TYW1: variants seen among roughly 807,000 people sequenced by gnomAD.
The protein encoded by TYW1 is tRNA-yW synthesizing protein 1 homolog.
Under a neutral mutation model 96.2 loss-of-function variants are expected in TYW1, and 46 were observed. The observed-to-expected ratio is 0.48, with a 90% CI of 0.38 to 0.61. The LOEUF (loss-of-function observed/expected upper bound fraction) is 0.61. Ranked by LOEUF, TYW1 falls within the 20% of genes least tolerant of loss-of-function variation. The probability of loss-of-function intolerance (pLI) is 0.00; values close to 1 mark genes in which losing one functional copy is unlikely to be tolerated. For missense variants in TYW1, 684 were observed against 909.6 expected (o/e 0.75, Z 3.19); for synonymous variants, 274 against 323.0 (o/e 0.85, Z 1.63).
intron 3 of TYW1, among the ~76,000 whole-genome samples, chr7:67,009,302 T>C (rs1183505412): frequency 6.6e-6 from 1 of 152,200 alleles, no homozygotes; most frequent in Non-Finnish European, 1.5e-5. Flanking sequence ...CTGGCTGATA[T>C]GTTTACTCTA....
intron 15 of TYW1, among the ~76,000 whole-genome samples, chr7:67,217,818 T>C (rs1180472193): frequency 6.6e-6 from 1 of 151,048 alleles, no homozygotes; most frequent in Non-Finnish European, 1.5e-5. Context: ...GTATTGGATA[T>C]GTAGATAACT....
At chr7:67,082,836 T>C (rs1234094910) in intron 10 of TYW1, among the ~76,000 whole-genome samples, 1 of 152,118 alleles carries the variant, frequency 6.6e-6, no homozygotes, top group Admixed American at 6.6e-5. Context: ...TTGTAATCTT[T>C]TGTATGGCCA....
intron 7 of TYW1, among the ~76,000 whole-genome samples, chr7:67,036,236 A>T (rs1794838743): frequency 1.3e-5 from 2 of 150,530 alleles, no homozygotes; most frequent in Non-Finnish European, 3.0e-5. Flanking sequence ...GAATCCTATT[A>T]TGGCCCTATA....
At chr7:67,041,466 A>T (rs11770535) in intron 7 of TYW1, among the ~76,000 whole-genome samples, 9,600 of 151,980 alleles carry the variant, frequency 0.063, 408 homozygotes, top group South Asian at 0.11. Context: ...CGCCCGGCTA[A>T]TTTTTGTATT....
chr7:67,056,780 TC>T (rs1440432006), intron 9 of TYW1, among the ~76,000 whole-genome samples: 7 of 152,206 alleles, frequency 4.6e-5, no homozygotes, highest in African/African-American at 1.4e-4. Context: ...ATTTCAGTTT[TC>T]CTTGGGTAAA....
At chr7:67,078,492 A>C (rs2080613426) in intron 10 of TYW1, among the ~76,000 whole-genome samples, 1 of 151,998 alleles carries the variant, frequency 6.6e-6, no homozygotes, top group African/African-American at 2.4e-5. Flanking sequence ...GTTCCATGTG[A>C]TTTTTAGAAT....
At chr7:67,133,911 A>G (rs1170690021) in intron 13 of TYW1, among the ~76,000 whole-genome samples, 1 of 151,434 alleles carries the variant, frequency 6.6e-6, no homozygotes, top group African/African-American at 2.4e-5. Context: ...TCAGGACTCC[A>G]CTCAAATATC....
chr7:67,089,731 T>C (rs1796655703), intron 11 of TYW1, among the ~76,000 whole-genome samples: 1 of 152,208 alleles, frequency 6.6e-6, no homozygotes. Flanking sequence ...AGGGCAATCA[T>C]TGTCTTTTCA....
At chr7:67,223,993 C>A (rs1427983023) in intron 15 of TYW1, among the ~76,000 whole-genome samples, 1 of 151,850 alleles carries the variant, frequency 6.6e-6, no homozygotes, top group Non-Finnish European at 1.5e-5. Flanking sequence ...GAATCCTCTA[C>A]CTGGATATTT....
Position 67,025,040 on chromosome 7 carries a change from A to G in TYW1, c.984+18A>G, listed in dbSNP as rs975026701. 6.2e-7 allele frequency: 1 copy of G among 1,613,312 alleles called. No individual in the cohort carries two copies. On this transcript the variant is annotated intron_variant, in intron 7 of 15. Transcript: ENST00000359626. ...AAGAAAAGGTACCGTTACTTTGGGA[A>G]ATGTTGCACTTGGCTCCCGCAGTTG...
At chr7:67,030,747 T>C (rs1794644126) in intron 7 of TYW1, among the ~76,000 whole-genome samples, 1 of 151,982 alleles carries the variant, frequency 6.6e-6, no homozygotes, top group African/African-American at 2.4e-5. Context: ...AGATGAGCCC[T>C]GGGACATCTT....
Position 67,239,233 on chromosome 7 carries a change from G to A in TYW1, c.*704G>A, listed in dbSNP as rs1424283856. 1 of 985,082 alleles carries A rather than the reference G, an allele frequency of 1.0e-6. No individual in the cohort carries two copies. Among genetic ancestry groups the A allele is most frequent in the African/African-American group, 1.7e-5 (1 of 57,204 alleles). The allele number at this position is 985,082 out of a possible 1,614,324, so 61.0% of individuals were successfully genotyped here. On this transcript the variant is annotated 3_prime_UTR_variant, in exon 16 of 16. Coordinates refer to ENST00000359626, the MANE Select transcript of TYW1 (RefSeq NM_018264.4). The stretch of plus-strand genomic sequence containing the variant: ...GCTGTAAGAGGAGTGGCCATGTGAG[G>A]GCATGGAGTCATTAGTCTCACAAAC...
chr7:67,069,460 C>T (rs1392904421), intron 10 of TYW1, among the ~76,000 whole-genome samples: 3 of 152,074 alleles, frequency 2.0e-5, no homozygotes, highest in Non-Finnish European at 2.9e-5. Context: ...AAATACTGGC[C>T]AGGTGCAGTG....
At chr7:67,179,044 A>G (rs1433349455) in intron 13 of TYW1, among the ~76,000 whole-genome samples, 2 of 144,200 alleles carry the variant, frequency 1.4e-5, no homozygotes, top group Non-Finnish European at 3.0e-5. Context: ...TTAGACGGGA[A>G]TCTTTTATTG....
At chr7:67,089,342 G>A (rs1001621121) in intron 11 of TYW1, 10 of 1,260,090 alleles carry the variant, frequency 7.9e-6, no homozygotes, top group African/African-American at 3.0e-5. Context: ...TCGAGGTGGC[G>A]GCCCTGTCCA....
At chr7:67,157,557 A>G (rs1019897378) in intron 13 of TYW1, among the ~76,000 whole-genome samples, 12 of 152,228 alleles carry the variant, frequency 7.9e-5, no homozygotes, top group African/African-American at 2.9e-4. Flanking sequence ...AAGTATTGGG[A>G]TTACAGGTGT....
rs572504767 is a variant in TYW1 at position 67,148,669 on chromosome 7, T to G, written c.1698+31051T>G. Reference sequence around the variant, plus strand: ...GATGGTCTCGATCTCCTGACCTCGTTATCCGCCCACCTTGGCCTCCCAAAA... The same window carrying G: ...GATGGTCTCGATCTCCTGACCTCGTGATCCGCCCACCTTGGCCTCCCAAAA... On this transcript the variant is annotated intron_variant, in intron 13 of 15. Transcript: ENST00000359626. Among the ~76,000 whole-genome samples, 15 of 152,056 alleles carry G rather than the reference T, an allele frequency of 9.9e-5. No homozygotes were observed. The South Asian group carries it at 1.5e-3, about 15-fold the overall frequency.
chr7:67,089,864 C>T (rs71222219), intron 11 of TYW1, among the ~76,000 whole-genome samples: 7 of 152,206 alleles, frequency 4.6e-5, no homozygotes, highest in South Asian at 2.1e-4. Flanking sequence ...TGCCACTCAG[C>T]GTCTATTCAA....
At chr7:67,010,954 C>T (rs1358288858) in intron 4 of TYW1, among the ~76,000 whole-genome samples, 2 of 152,136 alleles carry the variant, frequency 1.3e-5, no homozygotes, top group Non-Finnish European at 2.9e-5. Flanking sequence ...AGACCATGGG[C>T]AATCCAACCA....
Sources: gnomAD v4.1 joint callset for allele counts (sites outside exome capture counted in the v4.1 genomes callset) on GRCh38, gnomAD v4.1.1 for gene constraint, MANE v1.5 for transcripts, NCBI Gene and HGNC (gene_info 2026-07-23, HGNC 2026-07-21) for gene names.